Variants in RBMS3 observed in about 807,000 individuals in gnomAD.
RBMS3 encodes the protein RNA binding motif single stranded interacting protein 3, also known as RNA-binding motif, single-stranded-interacting protein 3.
RBMS3 carries 27 observed loss-of-function variants against 66.8 expected under a neutral mutation model. The ratio of observed to expected loss-of-function variants is 0.40; its 90% confidence interval spans 0.30 to 0.56. The LOEUF (loss-of-function observed/expected upper bound fraction) is 0.56. Ranked by LOEUF, RBMS3 falls within the 20% of genes least tolerant of loss-of-function variation. The pLI is 0.40. For missense variants in RBMS3, 513 were observed against 549.5 expected, an observed-to-expected ratio of 0.93 and a Z score of 0.66; for synonymous variants, 188 against 183.0, an observed-to-expected ratio of 1.03 and a Z score of -0.22.
chr3:29,374,691 C>T (rs747671918), intron 1 of RBMS3, among the ~76,000 whole-genome samples: 3 of 152,076 alleles, frequency 2.0e-5, no homozygotes, highest in African/African-American at 4.8e-5. Context: ...ATTTTCAACT[C>T]GTGATATTTT....
In RBMS3 at chr3:29,739,852, G is replaced by T; in HGVS notation, c.532G>T (p.Val178Phe). The T allele has an allele frequency of 1.3e-6, 2 of 1,598,810 alleles. No individual in the cohort carries two copies. The highest frequency in any genetic ancestry group is 1.8e-5 in the Admixed American group (1 of 56,508). ...AAGAATACTAAGAGACGCTAATGGA[G>T]TCAGCAGAGGTGTTGGCTTTGCCAG... ...STRILRDANGVSRGVGFARME... is the reference protein window; with the variant it reads ...STRILRDANGFSRGVGFARME... Residue 178 changes from valine to phenylalanine, a missense_variant, in exon 5 of 15, where the codon GTC (valine) becomes TTC (phenylalanine). Physicochemically the swap from Val to Phe is conservative, Grantham distance 50. Transcript: ENST00000383767.
intron 1 of RBMS3, among the ~76,000 whole-genome samples, chr3:29,433,497 G>A (rs1559357455): frequency 1.3e-5 from 2 of 152,068 alleles, no homozygotes; most frequent in Admixed American, 1.3e-4. Flanking sequence ...TGCTAATATT[G>A]TACACTTATT....
chr3:29,944,135 T>A, intron 11 of RBMS3, 72 bp from the exon 12 acceptor site: 1 of 1,379,604 alleles, frequency 7.2e-7, no homozygotes, highest in South Asian at 1.2e-5. Context: ...CTCTTCCACG[T>A]GTTAGGGCTG....
Position 29,543,743 on chromosome 3 carries a change from T to C in RBMS3, c.308-43371T>C, listed in dbSNP as rs577779667. On this transcript the variant is annotated intron_variant, in intron 3 of 14. Coordinates refer to ENST00000383767, the MANE Select transcript of RBMS3 (RefSeq NM_001003793.3). Reference sequence around the variant, plus strand: ...AAAAATAAAAAAGTAAATCACTTAGTTGATTCTCTGCTTTGTCACAGAAAA... The same window carrying C: ...AAAAATAAAAAAGTAAATCACTTAGCTGATTCTCTGCTTTGTCACAGAAAA... Among the ~76,000 whole-genome samples, 4 of 152,208 alleles carry C rather than the reference T, an allele frequency of 2.6e-5. No individual in the cohort carries two copies. In the East Asian group the frequency reaches 7.7e-4, roughly 29 times the overall value.
chr3:29,713,632 G>GCAACAAATATGAGTAAGAAA (rs1559597683), intron 4 of RBMS3, among the ~76,000 whole-genome samples: 1 of 152,110 alleles, frequency 6.6e-6, no homozygotes, highest in African/African-American at 2.4e-5. Context: ...AAACATTCTA[G>GCAACAAATATGAGTAAGAAA]CAACAAATAT....
At chr3:29,858,356 T>C (rs1257394315) in intron 6 of RBMS3, among the ~76,000 whole-genome samples, 1 of 152,186 alleles carries the variant, frequency 6.6e-6, no homozygotes, top group Non-Finnish European at 1.5e-5. Flanking sequence ...AAGAGCTGTC[T>C]CAGAGGAAAG....
intron 2 of RBMS3, among the ~76,000 whole-genome samples, chr3:29,465,713 T>C (rs767244804): frequency 2.6e-5 from 4 of 152,206 alleles, no homozygotes; most frequent in Non-Finnish European, 5.9e-5. Context: ...ATCACTGCTA[T>C]TTAGATGGTT....
chr3:29,774,275 C>T (rs958492227), intron 6 of RBMS3, among the ~76,000 whole-genome samples: 34 of 151,898 alleles, frequency 2.2e-4, no homozygotes, highest in African/African-American at 4.8e-5. Flanking sequence ...TTATAGGTAG[C>T]TGGCTTCTTT....
chr3:29,855,519 T>G (rs978758845), intron 6 of RBMS3, among the ~76,000 whole-genome samples: 3 of 152,242 alleles, frequency 2.0e-5, no homozygotes, highest in Admixed American at 1.3e-4. Context: ...AAGCTGCAAT[T>G]ACTATATTTA....
intron 1 of RBMS3, among the ~76,000 whole-genome samples, chr3:29,399,221 GTA>G (rs146151806): frequency 2.0e-5 from 3 of 151,522 alleles, no homozygotes; most frequent in Non-Finnish European, 4.4e-5. Flanking sequence ...GTGTGTGTGT[GTA>G]TATATATATA....
intron 3 of RBMS3, among the ~76,000 whole-genome samples, chr3:29,556,599 T>G (rs1254962191): frequency 2.9e-5 from 3 of 102,968 alleles, no homozygotes; most frequent in Non-Finnish European, 6.3e-5. Context: ...CAGGACTCCG[T>G]CTCAAAAAAA....
At chr3:29,764,407 C>A (rs1391764524) in intron 6 of RBMS3, among the ~76,000 whole-genome samples, 1 of 151,382 alleles carries the variant, frequency 6.6e-6, no homozygotes, top group Non-Finnish European at 1.5e-5. Context: ...TATAAACAGA[C>A]ATTTTAAGAC....
chr3:29,452,303 T>C (rs9822420), intron 2 of RBMS3, among the ~76,000 whole-genome samples: 61,548 of 151,934 alleles, frequency 0.41, 12,766 homozygotes, highest in East Asian at 0.63. Flanking sequence ...AGATATACAG[T>C]CTTGCCATCT....
intron 1 of RBMS3, among the ~76,000 whole-genome samples, chr3:29,382,696 C>T (rs1186097540): frequency 3.3e-5 from 5 of 152,206 alleles, no homozygotes; most frequent in Admixed American, 3.3e-4. Flanking sequence ...CCAATTTTAA[C>T]ACAGACTCTA....
chr3:29,961,064 G>T (rs1293446004), intron 12 of RBMS3, among the ~76,000 whole-genome samples: 2 of 152,168 alleles, frequency 1.3e-5, no homozygotes, highest in East Asian at 1.9e-4. Flanking sequence ...CTATAGCATT[G>T]TCAAGATGCA....
At chr3:29,805,911 C>T (rs9867981) in intron 6 of RBMS3, among the ~76,000 whole-genome samples, 73,244 of 151,778 alleles carry the variant, frequency 0.48, 18,300 homozygotes, top group African/African-American at 0.58. Context: ...TCACTCACCA[C>T]GCACTCACTG....
intron 6 of RBMS3, among the ~76,000 whole-genome samples, chr3:29,765,536 C>A (rs1018758551): frequency 9.9e-5 from 15 of 151,908 alleles, no homozygotes; most frequent in Admixed American, 6.6e-5. Context: ...CAGTGTTCTG[C>A]CTTATCAAGA....
At chr3:29,768,857 C>T (rs1398268146) in intron 6 of RBMS3, among the ~76,000 whole-genome samples, 1 of 151,886 alleles carries the variant, frequency 6.6e-6, no homozygotes, top group Admixed American at 6.6e-5. Flanking sequence ...CTGTCTTTTC[C>T]TTTTCTATCA....
At chr3:29,881,921 G>C (rs1286063623) in intron 7 of RBMS3, among the ~76,000 whole-genome samples, 2 of 152,122 alleles carry the variant, frequency 1.3e-5, no homozygotes, top group Admixed American at 6.6e-5. Flanking sequence ...ACTAGGGAAG[G>C]CTTCCTATAA....
Sources: allele counts gnomAD v4.1 joint callset (sites outside exome capture counted in the v4.1 genomes callset), GRCh38; gene constraint gnomAD v4.1.1; transcripts MANE v1.5; gene names NCBI Gene and HGNC (gene_info 2026-07-23, HGNC 2026-07-21).